The following TCN2 variants were observed in gnomAD, a reference collection of about 807,000 sequenced individuals.
TCN2 encodes the protein transcobalamin 2.
In TCN2, 34 loss-of-function variants were observed where a neutral mutation model predicts 48.6. That is an observed-to-expected ratio of 0.70 (90% CI 0.53 to 0.93). The LOEUF (loss-of-function observed/expected upper bound fraction) is 0.93. Ranked by LOEUF, TCN2 falls within the 40% of genes least tolerant of loss-of-function variation. The pLI is 0.00. For missense variants in TCN2, 652 were observed against 526.1 expected (o/e 1.24, Z -2.34); for synonymous variants, 283 against 212.5 (o/e 1.33, Z -2.89).
At chr22:30,625,738 C>T (rs1038082971) in intron 8 of TCN2, among the ~76,000 whole-genome samples, 1 of 152,092 alleles carries the variant, frequency 6.6e-6, no homozygotes, top group Non-Finnish European at 1.5e-5. Context: ...TGCTGGGATT[C>T]TAGGTATGAG....
At chr22:30,609,410 G>A (rs994743151) in intron 1 of TCN2, among the ~76,000 whole-genome samples, 1 of 152,074 alleles carries the variant, frequency 6.6e-6, no homozygotes, top group Non-Finnish European at 1.5e-5. Context: ...GAATCTGCCT[G>A]GCCCCTTCCT....
At chr22:30,614,103 A>G (rs2087576901) in intron 3 of TCN2, among the ~76,000 whole-genome samples, 1 of 152,098 alleles carries the variant, frequency 6.6e-6, no homozygotes, top group Non-Finnish European at 1.5e-5. Context: ...CAGTCGCATG[A>G]GCAATTGCTG....
intron 7 of TCN2, among the ~76,000 whole-genome samples, chr22:30,622,603 C>G (rs1423915046): frequency 6.6e-6 from 1 of 152,182 alleles, no homozygotes; most frequent in African/African-American, 2.4e-5. Context: ...GCTTCACCCT[C>G]TCTCGTTGTA....
rs1384336358 is a variant in TCN2 at position 30,626,571 on chromosome 22, C to T, written c.*50C>T. On this transcript the variant is annotated 3_prime_UTR_variant, in exon 9 of 9. Coordinates refer to ENST00000215838, the MANE Select transcript of TCN2 (RefSeq NM_000355.4). ...GCCTCGCACACTCCCTAGGCTTCTA[C>T]CCTCCCTCCTGATGTCCCTGGAACA... The T allele has an allele frequency of 8.1e-6, 13 of 1,599,146 alleles. No homozygotes were observed. In the Admixed American group the frequency reaches 1.3e-4, roughly 16 times the overall value.
At chr22:30,625,506 C>T (rs1385963150) in intron 8 of TCN2, among the ~76,000 whole-genome samples, 1 of 151,996 alleles carries the variant, frequency 6.6e-6, no homozygotes, top group Non-Finnish European at 1.5e-5. Flanking sequence ...CTCTGTCACC[C>T]ACGCTGAGTG....
Position 30,623,823 on chromosome 22 carries a change from T to C in TCN2, c.1222+740T>C, listed in dbSNP as rs868059673. 6.1e-5 allele frequency among the ~76,000 whole-genome samples: 3 copies of C among 49,468 alleles called. 1 individual carries two copies. The East Asian group carries it at 1.0e-3, about 17-fold the overall frequency. 32.5% of individuals were successfully genotyped at this position (49,468 alleles called of 152,430 possible). ...ACACATACACATATATACACACACA[T>C]ACACACACATATACACACACATACA... On this transcript the variant is annotated intron_variant, in intron 8 of 8. Transcript: ENST00000215838.
In TCN2 at chr22:30,607,199, A is replaced by G. The variant is rs1248676868; in HGVS notation, c.-133A>G. On this transcript the variant is annotated 5_prime_UTR_variant, in exon 1 of 9. The change abolishes an upstream ATG in the 5' untranslated region. Transcript: ENST00000215838. ...GCAGACTTAGCCGTGCATTGCAGGC[A>G]TGGAGGATTAATCAGTGACAGGAAG... The G allele has an allele frequency of 2.2e-6, 2 of 929,894 alleles. No homozygotes were observed. Among genetic ancestry groups the G allele is most frequent in the African/African-American group, 1.7e-5 (1 of 60,486 alleles). 57.6% of individuals were successfully genotyped at this position (929,894 alleles called of 1,614,324 possible). A position where few individuals can be genotyped will look rare whatever the true frequency, so the allele number is the denominator to read the frequency against.
At chr22:30,618,810 C>T (rs1202985028) in intron 7 of TCN2, among the ~76,000 whole-genome samples, 1 of 152,052 alleles carries the variant, frequency 6.6e-6, no homozygotes, top group East Asian at 1.9e-4. Flanking sequence ...CCCTCTGTCG[C>T]CCAGACTGGG....
chr22:30,625,030 A>G (rs894825872), intron 8 of TCN2, among the ~76,000 whole-genome samples: 5 of 152,202 alleles, frequency 3.3e-5, no homozygotes, highest in Non-Finnish European at 5.9e-5. Context: ...TAGCCTGACC[A>G]ACATGGTGAA....
chr22:30,626,790 C>T lies in TCN2; in HGVS notation c.*269C>T. 1.7e-6 allele frequency: 1 copy of T among 573,492 alleles called. No individual in the cohort carries two copies. The highest frequency in any genetic ancestry group is 2.0e-5 in the South Asian group (1 of 50,074). The allele number at this position is 573,492 out of a possible 1,614,324, so 35.5% of individuals were successfully genotyped here. ...TGCAGGTCTCCCATGAAGGCCACCC[C>T]ATGGTCTGATGGGCATGAAGCATCT... is the stretch of plus-strand genomic sequence containing the variant. On this transcript the variant is annotated 3_prime_UTR_variant, in exon 9 of 9. Transcript: ENST00000215838.
chr22:30,610,209 A>ATC (rs1352500443), intron 1 of TCN2: 2 of 470,968 alleles, frequency 4.2e-6, no homozygotes, highest in Non-Finnish European at 8.8e-6. Flanking sequence ...TCATCTCACA[A>ATC]TCTCAGGTCC....
intron 1 of TCN2, 123 bp downstream of exon 1, chr22:30,607,518 A>C (rs775264864): frequency 5.2e-5 from 50 of 970,412 alleles, no homozygotes; most frequent in Non-Finnish European, 7.8e-5. Flanking sequence ...GCTTAGCTGG[A>C]CCTCAGCATT....
At chr22:30,624,254 A>G (rs987738390) in intron 8 of TCN2, among the ~76,000 whole-genome samples, 5 of 151,272 alleles carry the variant, frequency 3.3e-5, no homozygotes, top group African/African-American at 4.9e-5. Flanking sequence ...TTGTATTTTT[A>G]GTAGAGACGG....
At chr22:30,621,711 T>C (rs1005058370) in intron 7 of TCN2, among the ~76,000 whole-genome samples, 1 of 152,136 alleles carries the variant, frequency 6.6e-6, no homozygotes, top group Non-Finnish European at 1.5e-5. Context: ...CATGAACTCC[T>C]GACCTCAAGT....
chr22:30,608,748 C>T (rs1319196804), intron 1 of TCN2, among the ~76,000 whole-genome samples: 1 of 152,100 alleles, frequency 6.6e-6, no homozygotes, highest in Non-Finnish European at 1.5e-5. Flanking sequence ...CAGGTCTGGG[C>T]CCAGGAACCC....
At chr22:30,622,607 C>T (rs2087715122) in intron 7 of TCN2, among the ~76,000 whole-genome samples, 2 of 152,182 alleles carry the variant, frequency 1.3e-5, no homozygotes, top group Non-Finnish European at 2.9e-5. Flanking sequence ...CACCCTCTCT[C>T]GTTGTACATT....
rs1159884923 is a variant in TCN2, at chr22:30,607,377, G to A, written c.46G>A (p.Ala16Thr). The A allele has an allele frequency of 6.2e-7, 1 of 1,614,146 alleles. No homozygotes were observed. The highest frequency in any genetic ancestry group is 1.7e-5 in the Admixed American group (1 of 60,020). Residue 16 changes from alanine (A) to threonine (T), a missense_variant, in exon 1 of 9, where the codon GCC becomes ACC. Physicochemically the swap from Ala to Thr is moderately conservative, Grantham distance 58. Coordinates refer to ENST00000215838, the MANE Select transcript of TCN2 (RefSeq NM_000355.4). ...AFLFLLGVLG[A>T]LTEMCEIPEM... Reference sequence around the variant, plus strand: ...CCTCTTCCTTCTGGGGGTCCTGGGGGCCCTCACTGAGATGTGTGGTGAGTA... The same window carrying A: ...CCTCTTCCTTCTGGGGGTCCTGGGGACCCTCACTGAGATGTGTGGTGAGTA...
chr22:30,622,989 G>A lies in TCN2; in HGVS notation c.1128G>A (p.Leu376=), dbSNP rs778237937. 1 of 1,614,040 alleles carries A rather than the reference G, an allele frequency of 6.2e-7. No homozygotes were observed. Among genetic ancestry groups the A allele is most frequent in the South Asian group, 1.1e-5 (1 of 91,078 alleles). Residue 376 remains leucine (L), a synonymous_variant, in exon 8 of 9, where the codon TTG becomes TTA. Coordinates refer to ENST00000215838, the MANE Select transcript of TCN2 (RefSeq NM_000355.4). The part of the protein sequence containing the change: ...GGFTYETQAS[L]SGPYLTSVMG... ...GTAGATATGAAACACAGGCCTCCTT[G>A]TCAGGCCCCTACTTAACCTCCGTGA...
intron 8 of TCN2, among the ~76,000 whole-genome samples, chr22:30,623,697 GAAA>G (rs2087733383): frequency 1.9e-5 from 2 of 102,672 alleles, no homozygotes; most frequent in Admixed American, 1.1e-4. Flanking sequence ...ACATATATAT[GAAA>G]TATATATATA....
Sources: gnomAD v4.1 joint callset for allele counts (sites outside exome capture counted in the v4.1 genomes callset) on GRCh38, gnomAD v4.1.1 for gene constraint, MANE v1.5 for transcripts, NCBI Gene and HGNC (gene_info 2026-07-23, HGNC 2026-07-21) for gene names.